Variants in GPR180 observed in about 807,000 individuals in gnomAD.
GPR180 encodes the protein integral membrane protein GPR180.
Under a neutral mutation model 52.6 loss-of-function variants are expected in GPR180, and 53 were observed. That is an observed-to-expected ratio of 1.01 (90% confidence interval 0.81 to 1.27). The LOEUF is 1.27. Among genes scored for constraint, GPR180 ranks in the 50% most tolerant of loss-of-function variants. GPR180 has a pLI of 0.00. For missense variants in GPR180, 533 were observed against 527.0 expected, an observed-to-expected ratio of 1.01 and a Z score of -0.11; for synonymous variants, 200 against 193.1, an observed-to-expected ratio of 1.04 and a Z score of -0.30.
intron 3 of GPR180, among the ~76,000 whole-genome samples, chr13:94,614,853 A>G (rs1333667400): frequency 2.0e-5 from 3 of 152,236 alleles, no homozygotes; most frequent in African/African-American, 7.2e-5. Context: ...ATGACATTCT[A>G]TGCAAGGCTT....
chr13:94,622,380 T>C (rs1293182157), intron 6 of GPR180, among the ~76,000 whole-genome samples: 1 of 152,202 alleles, frequency 6.6e-6, no homozygotes, highest in East Asian at 1.9e-4. Flanking sequence ...AATTGAGAAC[T>C]GAGATAATAT....
chr13:94,612,369 C>T lies in GPR180; in HGVS notation c.484C>T (p.His162Tyr). 2 of 1,610,310 alleles carry T rather than the reference C, an allele frequency of 1.2e-6. No individual in the cohort carries two copies. Among genetic ancestry groups the T allele is most frequent in the Non-Finnish European group, 1.7e-6 (2 of 1,176,520 alleles). The change falls in exon 3 of 9, where the codon CAT (histidine) becomes TAT (tyrosine). Residue 162 changes from histidine (H) to tyrosine (Y), a missense_variant. Physicochemically the swap from His to Tyr is moderately conservative, Grantham distance 83. Coordinates refer to ENST00000376958, the MANE Select transcript of GPR180 (RefSeq NM_180989.6). ...AGATGCCGAAGGGAATCCATTTGAT[C>T]ATTTTAGTGCTGGAGAATCTGGTAA... ...NPDAEGNPFD[H>Y]FSAGESGLHE...
chr13:94,604,829 C>G (rs909440376), intron 1 of GPR180, among the ~76,000 whole-genome samples: 1 of 152,022 alleles, frequency 6.6e-6, no homozygotes, highest in Non-Finnish European at 1.5e-5. Flanking sequence ...CCCACCTTGG[C>G]CTTCTAAAGT....
chr13:94,609,840 G>A (rs1889681696), intron 2 of GPR180, among the ~76,000 whole-genome samples: 1 of 151,296 alleles, frequency 6.6e-6, no homozygotes, highest in Non-Finnish European at 1.5e-5. Flanking sequence ...AGATCCTCTT[G>A]TTCAATTTAA....
chr13:94,605,259 C>G, intron 1 of GPR180, 132 bp from the exon 2 acceptor site: 1 of 720,832 alleles, frequency 1.4e-6, no homozygotes, highest in South Asian at 1.7e-5. Flanking sequence ...TGTGATTTAC[C>G]TAGTTAAGCG....
At position 94,605,473 on chromosome 13, in the gene GPR180, C is replaced by G; in HGVS notation, c.228C>G (p.Ala76=). ...AAGCTAAACTCTACCTGTTCCAAGC[C>G]CAGGAATGGCTAAAGCTACAGCAAA... ...GKEAKLYLFQ[A]QEWLKLQQSS... is the part of the protein sequence containing the mutation. Residue 76 remains alanine (A), a synonymous_variant, in exon 2 of 9, where the codon GCC becomes GCG. Transcript: ENST00000376958. 2 of 1,613,994 alleles carry G rather than the reference C, an allele frequency of 1.2e-6. No homozygotes were observed. The highest frequency in any genetic ancestry group is 1.7e-6 in the Non-Finnish European group (2 of 1,179,920).
chr13:94,608,783 C>T (rs1889665994), intron 2 of GPR180, among the ~76,000 whole-genome samples: 1 of 152,174 alleles, frequency 6.6e-6, no homozygotes, highest in Non-Finnish European at 1.5e-5. Flanking sequence ...AACTCAGTAA[C>T]TCTGCCCAGC....
chr13:94,623,143 T>A lies in GPR180; in HGVS notation c.929T>A (p.Ile310Asn). Residue 310 changes from isoleucine to asparagine, a missense_variant, in exon 7 of 9, where the codon ATC becomes AAC. Ile to Asn is a moderately radical substitution (Grantham distance 149, BLOSUM62 -3). Transcript: ENST00000376958. ...CTACTTTGGGAACAGTTTGAAGATATCAGTCATCATAGCTACCATTCACAC... is the reference window on the plus strand; with the variant it reads ...CTACTTTGGGAACAGTTTGAAGATAACAGTCATCATAGCTACCATTCACAC... ...VLLLWEQFED[I>N]SHHSYHSHHN... is the part of the protein sequence containing the mutation. 1 of 1,613,898 alleles carries A rather than the reference T, an allele frequency of 6.2e-7. No homozygotes were observed. The highest frequency in any genetic ancestry group is 1.7e-5 in the Admixed American group (1 of 59,984).
In GPR180 at chr13:94,601,892, G is replaced by A. The variant is rs1043986322; in HGVS notation, c.-36G>A. The A allele has an allele frequency of 1.1e-5, 15 of 1,360,530 alleles. No homozygotes were observed. The highest frequency in any genetic ancestry group is 1.4e-5 in the Non-Finnish European group (15 of 1,055,998). The allele number at this position is 1,360,530 out of a possible 1,614,324, so 84.3% of individuals were successfully genotyped here. ...GTGGGGCGGGCAGCCGCCGGCGGCTGGGAGCCGAGGCGTCGGTGCAGACCT... is the reference window on the plus strand; with the variant it reads ...GTGGGGCGGGCAGCCGCCGGCGGCTAGGAGCCGAGGCGTCGGTGCAGACCT... On this transcript the variant is annotated 5_prime_UTR_variant, in exon 1 of 9. Transcript: ENST00000376958.
At chr13:94,618,074 G>T (rs1177667248) in intron 3 of GPR180, among the ~76,000 whole-genome samples, 2 of 152,186 alleles carry the variant, frequency 1.3e-5, no homozygotes, top group African/African-American at 4.8e-5. Context: ...GGCACTAGAG[G>T]CTGCTCTAAT....
In GPR180 at chr13:94,619,219, T is replaced by G. The variant is rs143292467; in HGVS notation, c.575T>G (p.Leu192Trp). 2 of 1,613,992 alleles carry G rather than the reference T, an allele frequency of 1.2e-6. No homozygotes were observed. Among genetic ancestry groups the G allele is most frequent in the African/African-American group, 2.7e-5 (2 of 74,920 alleles). The change falls in exon 4 of 9, where the codon TTG (leucine) becomes TGG (tryptophan). Residue 192 changes from leucine (L) to tryptophan (W), a missense_variant. Leu to Trp is a moderately conservative substitution (Grantham distance 61). Coordinates refer to ENST00000376958, the MANE Select transcript of GPR180 (RefSeq NM_180989.6). ...FVIACIYAQSLWQAIKKGGPM... is the reference protein window; with the variant it reads ...FVIACIYAQSWWQAIKKGGPM... ...ATTGCTTGCATTTATGCTCAATCATTGTGGCAGGCTATTAAGAAAGGCGGA... is the reference window on the plus strand; with the variant it reads ...ATTGCTTGCATTTATGCTCAATCATGGTGGCAGGCTATTAAGAAAGGCGGA...
chr13:94,633,698 A>G lies in GPR180; in HGVS notation c.*6527A>G, dbSNP rs1243596049. The G allele has an allele frequency of 1.3e-5, 2 of 151,516 alleles. No homozygotes were observed. The highest frequency in any genetic ancestry group is 1.5e-5 in the Non-Finnish European group (1 of 67,896). 9.4% of individuals were successfully genotyped at this position (151,516 alleles called of 1,614,324 possible). On this transcript the variant is annotated 3_prime_UTR_variant, in exon 9 of 9. Transcript: ENST00000376958. The stretch of plus-strand genomic sequence containing the variant: ...GTGTCTTTTTCTTGTAGTTTTTTTA[A>G]TGCAGGTGGAATTATCAGTCTTTCA...
chr13:94,626,985 A>T, intron 8 of GPR180, 28 bp from the exon 9 acceptor site: 1 of 1,533,358 alleles, frequency 6.5e-7, no homozygotes, highest in Non-Finnish European at 8.8e-7. Context: ...TGCATGTAGT[A>T]AAAGCATTCC....
rs1890025150 is a variant in GPR180, at chr13:94,633,354, G to A, written c.*6183G>A. 6.6e-6 allele frequency: 1 copy of A among 152,120 alleles called. No homozygotes were observed. Among genetic ancestry groups the A allele is most frequent in the Non-Finnish European group, 1.5e-5 (1 of 68,026 alleles). The allele number at this position is 152,120 out of a possible 1,614,324, so 9.4% of individuals were successfully genotyped here. A position where few individuals can be genotyped will look rare whatever the true frequency, so the allele number is the denominator to read the frequency against. On this transcript the variant is annotated 3_prime_UTR_variant, in exon 9 of 9. Transcript: ENST00000376958. ...CCGTGCAAAACAAAAACACTTAACAGAAAATTACGTTGTACTCTCTGTACG... is the reference window on the plus strand; with the variant it reads ...CCGTGCAAAACAAAAACACTTAACAAAAAATTACGTTGTACTCTCTGTACG...
chr13:94,602,861 T>C (rs540259121), intron 1 of GPR180, among the ~76,000 whole-genome samples: 8 of 152,212 alleles, frequency 5.3e-5, no homozygotes, highest in Non-Finnish European at 1.0e-4. Flanking sequence ...GTACTCTTAA[T>C]TTGACTAGTG....
In GPR180 at chr13:94,601,901, G is replaced by C. The variant is rs1285958880; in HGVS notation, c.-27G>C. On this transcript the variant is annotated 5_prime_UTR_variant, in exon 1 of 9. Coordinates refer to ENST00000376958, the MANE Select transcript of GPR180 (RefSeq NM_180989.6). The stretch of plus-strand genomic sequence containing the variant: ...GCAGCCGCCGGCGGCTGGGAGCCGA[G>C]GCGTCGGTGCAGACCTGGAGACGGG... 7.2e-7 allele frequency: 1 copy of C among 1,390,932 alleles called. No individual in the cohort carries two copies. Among genetic ancestry groups the C allele is most frequent in the Non-Finnish European group, 9.3e-7 (1 of 1,073,558 alleles). The allele number at this position is 1,390,932 out of a possible 1,614,324, so 86.2% of individuals were successfully genotyped here.
rs1395415495 is a variant in GPR180, at chr13:94,630,492, C to T, written c.*3321C>T. 1 of 152,230 alleles carries T rather than the reference C, an allele frequency of 6.6e-6. No homozygotes were observed. Among genetic ancestry groups the T allele is most frequent in the Non-Finnish European group, 1.5e-5 (1 of 68,040 alleles). 9.4% of individuals were successfully genotyped at this position (152,230 alleles called of 1,614,324 possible). A position where few individuals can be genotyped will look rare whatever the true frequency, so the allele number is the denominator to read the frequency against. On this transcript the variant is annotated 3_prime_UTR_variant, in exon 9 of 9. Transcript: ENST00000376958. ...TAAAAATCATATAAATCAGATCAAA[C>T]TACTACTTCCCTGACAAAAACCCTC...
intron 3 of GPR180, among the ~76,000 whole-genome samples, chr13:94,617,088 A>G (rs1410122039): frequency 6.6e-6 from 1 of 152,182 alleles, no homozygotes; most frequent in Non-Finnish European, 1.5e-5. Flanking sequence ...CTGGTGACAT[A>G]TATCTTATTT....
rs1034873517 is a variant in GPR180 at position 94,629,027 on chromosome 13, T to A, written c.*1856T>A. On this transcript the variant is annotated 3_prime_UTR_variant, in exon 9 of 9. Transcript: ENST00000376958. ...ATGAAACTAACCAGTTTTTTAAACT[T>A]TAATTCTTAAATTTATGGTTGGAAA... 1 of 152,138 alleles carries A rather than the reference T, an allele frequency of 6.6e-6. No homozygotes were observed. Among genetic ancestry groups the A allele is most frequent in the Non-Finnish European group, 1.5e-5 (1 of 67,974 alleles). 9.4% of individuals were successfully genotyped at this position (152,138 alleles called of 1,614,324 possible). A position where few individuals can be genotyped will look rare whatever the true frequency, so the allele number is the denominator to read the frequency against.
Sources: gnomAD v4.1 joint callset for allele counts (sites outside exome capture counted in the v4.1 genomes callset) on GRCh38, gnomAD v4.1.1 for gene constraint, MANE v1.5 for transcripts, NCBI Gene and HGNC (gene_info 2026-07-23, HGNC 2026-07-21) for gene names.